Variants in CFHR5 observed in about 807,000 individuals in gnomAD.
CFHR5 encodes the protein complement factor H related 5.
Under a neutral mutation model 62.9 loss-of-function variants are expected in CFHR5, and 73 were observed. That is an observed-to-expected ratio of 1.16 (90% CI 0.96 to 1.41). The LOEUF (loss-of-function observed/expected upper bound fraction) is 1.41, where lower values mean the gene tolerates loss of function less well. Ranked by LOEUF, CFHR5 falls within the 40% of genes most tolerant of loss-of-function variation. CFHR5 has a pLI of 0.00. For synonymous variants in CFHR5, 249 were observed against 227.2 expected, an observed-to-expected ratio of 1.10 and a Z score of -0.86; for missense variants, 779 against 679.9, an observed-to-expected ratio of 1.15 and a Z score of -1.62.
rs1386565824 is a variant in CFHR5 at position 196,994,149 on chromosome 1, T to A, written c.500T>A (p.Val167Asp). ...CAGCCAAAAAAAGAAAGCTACAAAG[T>A]TGGAGACGTGTTGAAATTCTCCTGC... ...DAQPKKESYK[V>D]GDVLKFSCRK... Residue 167 changes from valine to aspartate, a missense_variant, in exon 4 of 10, where the codon GTT becomes GAT. Transcript: ENST00000256785. 3 of 1,613,546 alleles carry A rather than the reference T, an allele frequency of 1.9e-6. No individual in the cohort carries two copies. The highest frequency in any genetic ancestry group is 1.7e-4 in the Middle Eastern group (1 of 6,050).
At chr1:197,001,391 A>G (rs1456827049) in intron 7 of CFHR5, among the ~76,000 whole-genome samples, 1 of 152,078 alleles carries the variant, frequency 6.6e-6, no homozygotes, top group East Asian at 1.9e-4. Flanking sequence ...CAAATAATTT[A>G]TTAAAGATCT....
intron 8 of CFHR5, among the ~76,000 whole-genome samples, chr1:197,002,969 A>G (rs773077604): frequency 3.9e-5 from 6 of 152,150 alleles, no homozygotes; most frequent in African/African-American, 1.4e-4. Flanking sequence ...TCATGTCACA[A>G]TGGCCTATAG....
rs187953949 is a variant in CFHR5, at chr1:197,007,638, C to G, written c.1514-849C>G. Among the ~76,000 whole-genome samples the G allele has an allele frequency of 2.6e-3, 389 of 148,302 alleles. 2 individuals are homozygous for G. The highest frequency in any genetic ancestry group is 3.5e-3 in the Non-Finnish European group (239 of 67,354). Reference sequence around the variant, plus strand: ...TATTACATATTACATATATTTTTAACATATATGTATACACATATACATATG... The same window carrying G: ...TATTACATATTACATATATTTTTAAGATATATGTATACACATATACATATG... On this transcript the variant is annotated intron_variant, in intron 9 of 9. Transcript: ENST00000256785.
At chr1:196,995,420 CA>C (rs1213503230) in intron 4 of CFHR5, among the ~76,000 whole-genome samples, 1 of 152,062 alleles carries the variant, frequency 6.6e-6, no homozygotes, top group African/African-American at 2.4e-5. Flanking sequence ...AATTACTTCA[CA>C]AAAAATAAGT....
chr1:197,002,340 A>G (rs569277337), intron 7 of CFHR5, 142 bp from the exon 8 acceptor site: 7 of 615,038 alleles, frequency 1.1e-5, no homozygotes, highest in South Asian at 2.1e-5. Context: ...ACATTTATAT[A>G]TAGGGAGAGA....
Position 196,996,133 on chromosome 1 carries a change from A to G in CFHR5, c.902A>G (p.Tyr301Cys). ...VSVEVNCRNEYAMIGNNMITC... is the reference protein window; with the variant it reads ...VSVEVNCRNECAMIGNNMITC... ...GTCGAGGTGAATTGCAGAAATGAATATGCAATGATTGGAAATAACATGATT... is the reference window on the plus strand; with the variant it reads ...GTCGAGGTGAATTGCAGAAATGAATGTGCAATGATTGGAAATAACATGATT... Residue 301 changes from tyrosine (Y) to cysteine (C), a missense_variant, in exon 6 of 10, where the codon TAT becomes TGT. Physicochemically the swap from Tyr to Cys is radical, Grantham distance 194 (BLOSUM62 -2). Transcript: ENST00000256785. 6.2e-7 allele frequency: 1 copy of G among 1,611,338 alleles called. No individual in the cohort carries two copies. Among genetic ancestry groups the G allele is most frequent in the Non-Finnish European group, 8.5e-7 (1 of 1,177,528 alleles).
chr1:197,000,640 G>A, intron 7 of CFHR5, among the ~76,000 whole-genome samples: 1 of 152,118 alleles, frequency 6.6e-6, no homozygotes, highest in Non-Finnish European at 1.5e-5. Context: ...CCTATTTCCT[G>A]GCACTGGGAC....
At chr1:196,984,411 T>A (rs1190163628) in intron 3 of CFHR5, among the ~76,000 whole-genome samples, 1 of 152,148 alleles carries the variant, frequency 6.6e-6, no homozygotes, top group East Asian at 1.9e-4. Flanking sequence ...TATTGTCAGG[T>A]TAGTTGACAA....
intron 7 of CFHR5, among the ~76,000 whole-genome samples, chr1:197,001,397 G>A (rs938875196): frequency 6.6e-6 from 1 of 151,850 alleles, no homozygotes; most frequent in Admixed American, 6.6e-5. Context: ...ATTTATTAAA[G>A]ATCTGTTGTA....
intron 1 of CFHR5, among the ~76,000 whole-genome samples, chr1:196,979,260 G>GTGTT (rs1019270324): frequency 2.1e-5 from 2 of 94,966 alleles, no homozygotes; most frequent in East Asian, 2.6e-4. Flanking sequence ...AATTGTCTGT[G>GTGTT]TGTGTGTGTG....
chr1:196,983,452 T>A (rs1571512554), intron 2 of CFHR5, among the ~76,000 whole-genome samples: 1 of 152,230 alleles, frequency 6.6e-6, no homozygotes, highest in South Asian at 2.1e-4. Flanking sequence ...CTCTTGCATA[T>A]TGCGAGGTAA....
At chr1:197,008,451 T>A (rs910569414) in intron 9 of CFHR5, 36 bp from the exon 10 acceptor site, 57 of 1,270,182 alleles carry the variant, frequency 4.5e-5, no homozygotes, top group Non-Finnish European at 5.9e-5. Context: ...GATGTATTAT[T>A]ATTTATTTAT....
At chr1:197,001,818 C>T (rs1171667503) in intron 7 of CFHR5, among the ~76,000 whole-genome samples, 7 of 151,198 alleles carry the variant, frequency 4.6e-5, no homozygotes, top group African/African-American at 1.7e-4. Context: ...GTAGCCACCA[C>T]TCTGGAAAAA....
chr1:197,004,100 A>G (rs1654223784), intron 8 of CFHR5, among the ~76,000 whole-genome samples: 1 of 152,182 alleles, frequency 6.6e-6, no homozygotes, highest in South Asian at 2.1e-4. Flanking sequence ...AATTGAACGT[A>G]TTCCAGCCAA....
intron 9 of CFHR5, 73 bp from the exon 10 acceptor site, chr1:197,008,414 C>T (rs960610159): frequency 2.5e-5 from 20 of 795,054 alleles, no homozygotes; most frequent in Admixed American, 7.3e-5. Context: ...TTCTTAAATG[C>T]AATTTCACTA....
In CFHR5 at chr1:196,994,084, A is replaced by G. The variant is rs575296882; in HGVS notation, c.435A>G (p.Gly145=). The change falls in exon 4 of 10, where the codon GGA becomes GGG. Residue 145 remains glycine (G), a synonymous_variant. Transcript: ENST00000256785. ...TTCATTTAATTTTATTTTTAGAAGG[A>G]GAATGTCATGTTCCAATTTTAGAAG... ...STPPICSFTK[G]ECHVPILEAN... is the part of the protein sequence containing the mutation. 6.2e-7 allele frequency: 1 copy of G among 1,610,594 alleles called. No homozygotes were observed. The highest frequency in any genetic ancestry group is 1.3e-5 in the African/African-American group (1 of 74,884).
chr1:196,977,756 C>G (rs1653434160), intron 1 of CFHR5, 34 bp downstream of exon 1: 2 of 1,489,084 alleles, frequency 1.3e-6, no homozygotes, highest in Admixed American at 3.3e-5. Flanking sequence ...ATTTTAGTTC[C>G]TTTTCAAATG....
At chr1:196,984,371 T>A (rs1397288633) in intron 3 of CFHR5, among the ~76,000 whole-genome samples, 1 of 152,184 alleles carries the variant, frequency 6.6e-6, no homozygotes, top group Non-Finnish European at 1.5e-5. Context: ...TTGAAGATAA[T>A]CCATTAATGT....
intron 7 of CFHR5, among the ~76,000 whole-genome samples, chr1:197,000,923 A>G (rs1654136895): frequency 6.6e-6 from 1 of 152,198 alleles, no homozygotes; most frequent in Non-Finnish European, 1.5e-5. Flanking sequence ...TGACCCATCT[A>G]TCTATCAAAT....
Sources: allele counts gnomAD v4.1 joint callset (sites outside exome capture counted in the v4.1 genomes callset), GRCh38; gene constraint gnomAD v4.1.1; transcripts MANE v1.5; gene names NCBI Gene and HGNC (gene_info 2026-07-23, HGNC 2026-07-21).